The following OR8K3 variants were observed in gnomAD, a reference collection of about 807,000 sequenced individuals.
OR8K3 encodes the protein olfactory receptor family 8 subfamily K member 3 (gene/pseudogene).
For synonymous variants in OR8K3, 167 were observed against 138.8 expected (o/e 1.20, Z -1.43); for missense variants, 448 against 367.4 (o/e 1.22, Z -1.79).
intron 2 of OR8K3, among the ~76,000 whole-genome samples, chr11:56,316,528 T>G (rs1299762932): frequency 6.6e-6 from 1 of 152,030 alleles, no homozygotes; most frequent in Non-Finnish European, 1.5e-5. Flanking sequence ...GATATTTAGA[T>G]ATATATTTAT....
rs1565109222 is a variant in OR8K3 at position 56,320,064 on chromosome 11, T to A, written c.*819T>A. 6.6e-6 allele frequency: 1 copy of A among 151,994 alleles called. No individual in the cohort carries two copies. Among genetic ancestry groups the A allele is most frequent in the Non-Finnish European group, 1.5e-5 (1 of 67,966 alleles). 9.4% of individuals were successfully genotyped at this position (151,994 alleles called of 1,614,324 possible). The stretch of plus-strand genomic sequence containing the variant: ...TTCACAGATTTTCCCGTTATTTATC[T>A]AAAAAAAAGTAATAAACTGTGGTTA... On this transcript the variant is annotated 3_prime_UTR_variant, in exon 3 of 3. Transcript: ENST00000641662.
In OR8K3 at chr11:56,319,326, A is replaced by T; in HGVS notation, c.*81A>T. ...CATACTTCCAGAAGACATAACAAGC[A>T]TAACTGATTCAACATATATTTACAT... On this transcript the variant is annotated 3_prime_UTR_variant, in exon 3 of 3. Transcript: ENST00000641662. 1 of 703,700 alleles carries T rather than the reference A, an allele frequency of 1.4e-6. No individual in the cohort carries two copies. The highest frequency in any genetic ancestry group is 2.4e-6 in the Non-Finnish European group (1 of 416,120). The allele number at this position is 703,700 out of a possible 1,614,324, so 43.6% of individuals were successfully genotyped here. A position where few individuals can be genotyped will look rare whatever the true frequency, so the allele number is the denominator to read the frequency against.
intron 2 of OR8K3, among the ~76,000 whole-genome samples, chr11:56,317,728 A>T (rs748583140): frequency 6.6e-6 from 1 of 152,116 alleles, no homozygotes; most frequent in Non-Finnish European, 1.5e-5. Context: ...CATATATCAG[A>T]TATCCACGGT....
At chr11:56,316,958 T>C (rs58502108) in intron 2 of OR8K3, among the ~76,000 whole-genome samples, 4,576 of 152,056 alleles carry the variant, frequency 0.03, 216 homozygotes, top group African/African-American at 0.11. Context: ...TTTAAAATGT[T>C]ATTAAATTCG....
Position 56,318,451 on chromosome 11 carries a change from A to G in OR8K3, c.145A>G (p.Thr49Ala). The G allele has an allele frequency of 1.2e-6, 2 of 1,614,102 alleles. No individual in the cohort carries two copies. The highest frequency in any genetic ancestry group is 2.2e-5 in the South Asian group (2 of 91,080). The change falls in exon 3 of 3, where the codon ACC becomes GCC. Residue 49 changes from threonine (T) to alanine (A), a missense_variant. Coordinates refer to ENST00000641662, the MANE Select transcript of OR8K3 (RefSeq NM_001005202.2). ...GGGCAATTTGGGCATGATTGTCCTCACCAAGTTGGACTCCAGGTTGCAAAC... is the reference window on the plus strand; with the variant it reads ...GGGCAATTTGGGCATGATTGTCCTCGCCAAGTTGGACTCCAGGTTGCAAAC... ...VMGNLGMIVL[T>A]KLDSRLQTPM...
Position 56,318,315 on chromosome 11 carries a change from A to G in OR8K3, c.9A>G (p.Gln3=), listed in dbSNP as rs1854471687. 6.2e-7 allele frequency: 1 copy of G among 1,612,010 alleles called. No homozygotes were observed. Among genetic ancestry groups the G allele is most frequent in the African/African-American group, 1.3e-5 (1 of 74,884 alleles). Residue 3 remains glutamine, a synonymous_variant, in exon 3 of 3, where the codon CAA becomes CAG. Coordinates refer to ENST00000641662, the MANE Select transcript of OR8K3 (RefSeq NM_001005202.2). ME[Q]HNLTTVNEFI... is the part of the protein sequence containing the mutation. ...TTTTCTGATGAACCTGGATGGAACA[A>G]CACAATCTAACAACGGTGAATGAAT...
At chr11:56,316,904 T>C (rs1251940839) in intron 2 of OR8K3, among the ~76,000 whole-genome samples, 3 of 151,990 alleles carry the variant, frequency 2.0e-5, no homozygotes, top group South Asian at 2.1e-4. Flanking sequence ...AATAAAACTA[T>C]GGGAAGATTA....
chr11:56,319,421 G>A lies in OR8K3; in HGVS notation c.*176G>A. On this transcript the variant is annotated 3_prime_UTR_variant, in exon 3 of 3. Coordinates refer to ENST00000641662, the MANE Select transcript of OR8K3 (RefSeq NM_001005202.2). Reference sequence around the variant, plus strand: ...AATAAACAAAATAGTAGAAATCTTTGCCTTCCTTGATGGATAGATGAATTG... The same window carrying A: ...AATAAACAAAATAGTAGAAATCTTTACCTTCCTTGATGGATAGATGAATTG... The A allele has an allele frequency of 1.7e-6, 1 of 572,544 alleles. No homozygotes were observed. The highest frequency in any genetic ancestry group is 3.1e-6 in the Non-Finnish European group (1 of 323,192). 35.5% of individuals were successfully genotyped at this position (572,544 alleles called of 1,614,324 possible).
Position 56,319,165 on chromosome 11 carries a change from T to C in OR8K3, c.859T>C (p.Leu287=), listed in dbSNP as rs1854491427. Residue 287 remains leucine, a synonymous_variant, in exon 3 of 3, where the codon TTG becomes CTG. Coordinates refer to ENST00000641662, the MANE Select transcript of OR8K3 (RefSeq NM_001005202.2). The part of the protein sequence containing the change: ...YTLVIPMLNP[L]IYSLRNKDVK... ...CCTGGTTATCCCCATGTTGAATCCC[T>C]TGATCTATAGTTTACGAAACAAAGA... 6.2e-7 allele frequency: 1 copy of C among 1,613,058 alleles called. No individual in the cohort carries two copies. The highest frequency in any genetic ancestry group is 1.7e-5 in the Admixed American group (1 of 59,990).
Position 56,318,670 on chromosome 11 carries a change from C to T in OR8K3, c.364C>T (p.Leu122Phe), listed in dbSNP as rs564760965. Residue 122 changes from leucine to phenylalanine, a missense_variant, in exon 3 of 3, where the codon CTC becomes TTC. Coordinates refer to ENST00000641662, the MANE Select transcript of OR8K3 (RefSeq NM_001005202.2). ...TATTCTCTCAGCCATGTCCTACGACCTCTATGTGGCCATCTGTAACCCTCT... is the reference window on the plus strand; with the variant it reads ...TATTCTCTCAGCCATGTCCTACGACTTCTATGTGGCCATCTGTAACCCTCT... The part of the protein sequence containing the change: ...LFILSAMSYD[L>F]YVAICNPLLY... 3 of 1,613,714 alleles carry T rather than the reference C, an allele frequency of 1.9e-6. No individual in the cohort carries two copies. Among genetic ancestry groups the T allele is most frequent in the Non-Finnish European group, 2.5e-6 (3 of 1,179,682 alleles).
chr11:56,316,572 T>G (rs1854446112), intron 2 of OR8K3, among the ~76,000 whole-genome samples: 1 of 152,042 alleles, frequency 6.6e-6, no homozygotes, highest in Admixed American at 6.6e-5. Context: ...TATTATGTGC[T>G]ATACCATATT....
chr11:56,317,416 G>C (rs1366828251), intron 2 of OR8K3, among the ~76,000 whole-genome samples: 1 of 151,992 alleles, frequency 6.6e-6, no homozygotes, highest in Non-Finnish European at 1.5e-5. Flanking sequence ...TTAAGATATA[G>C]TGTAGAATAT....
intron 1 of OR8K3, among the ~76,000 whole-genome samples, chr11:56,315,759 C>CT (rs751195410): frequency 1.3e-4 from 19 of 149,760 alleles, no homozygotes; most frequent in Non-Finnish European, 2.4e-4. Context: ...AATTATGAGG[C>CT]TTTTTGGGTA....
At position 56,319,578 on chromosome 11, in the gene OR8K3, C is replaced by T. The variant is rs551284091; in HGVS notation, c.*333C>T. ...CAGTGGTCATTACAGAAGGGAGTTA[C>T]GAGGATTCCAGTGTTTTTTATCTGC... On this transcript the variant is annotated 3_prime_UTR_variant, in exon 3 of 3. Coordinates refer to ENST00000641662, the MANE Select transcript of OR8K3 (RefSeq NM_001005202.2). 77 of 210,942 alleles carry T rather than the reference C, an allele frequency of 3.7e-4. No individual in the cohort carries two copies. The highest frequency in any genetic ancestry group is 3.6e-4 in the Admixed American group (7 of 19,314). The allele number at this position is 210,942 out of a possible 1,614,324, so 13.1% of individuals were successfully genotyped here.
chr11:56,317,309 C>T (rs1590837600), intron 2 of OR8K3, among the ~76,000 whole-genome samples: 1 of 152,088 alleles, frequency 6.6e-6, no homozygotes, highest in Admixed American at 6.6e-5. Context: ...TCCTTCCCAA[C>T]AATTCTGCAA....
chr11:56,320,114 C>T lies in OR8K3; in HGVS notation c.*869C>T, dbSNP rs1474386245. ...AAAATTTGTGTTCCAGTTGTTTTTA[C>T]ATCTTTGAGGAGGGGGACCATTCTA... On this transcript the variant is annotated 3_prime_UTR_variant, in exon 3 of 3. Coordinates refer to ENST00000641662, the MANE Select transcript of OR8K3 (RefSeq NM_001005202.2). The T allele has an allele frequency of 2.0e-5, 3 of 152,150 alleles. No individual in the cohort carries two copies. The highest frequency in any genetic ancestry group is 4.8e-5 in the African/African-American group (2 of 41,428). 9.4% of individuals were successfully genotyped at this position (152,150 alleles called of 1,614,324 possible). A position where few individuals can be genotyped will look rare whatever the true frequency, so the allele number is the denominator to read the frequency against.
Position 56,319,861 on chromosome 11 carries a change from C to T in OR8K3, c.*616C>T, listed in dbSNP as rs1552143. On this transcript the variant is annotated 3_prime_UTR_variant, in exon 3 of 3. Coordinates refer to ENST00000641662, the MANE Select transcript of OR8K3 (RefSeq NM_001005202.2). ...TATTTCCACATAGAAGTCTGTTAAC[C>T]GAACATACTTTGTAGCTCAATAATC... 0.7 allele frequency: 106,621 copies of T among 152,182 alleles called. 37,610 individuals carry two copies. Among genetic ancestry groups the T allele is most frequent in the East Asian group, 0.83 (4,311 of 5,176 alleles). 9.4% of individuals were successfully genotyped at this position (152,182 alleles called of 1,614,324 possible). A position where few individuals can be genotyped will look rare whatever the true frequency, so the allele number is the denominator to read the frequency against.
chr11:56,317,271 A>G (rs1314684905), intron 2 of OR8K3, among the ~76,000 whole-genome samples: 1 of 152,140 alleles, frequency 6.6e-6, no homozygotes, highest in East Asian at 1.9e-4. Flanking sequence ...GGCAGCAAAG[A>G]CACATTGAAT....
At chr11:56,318,250 G>C (rs1854470403) in intron 2 of OR8K3, 34 bp from the exon 3 acceptor site, 2 of 1,247,920 alleles carry the variant, frequency 1.6e-6, no homozygotes. Context: ...TGATGATAGA[G>C]GAAAGCTATT....
Sources: allele counts gnomAD v4.1 joint callset (sites outside exome capture counted in the v4.1 genomes callset), GRCh38; gene constraint gnomAD v4.1.1; transcripts MANE v1.5; gene names NCBI Gene and HGNC (gene_info 2026-07-23, HGNC 2026-07-21).